Variants in PLEKHM2 observed in about 807,000 individuals in gnomAD.
PLEKHM2 encodes the protein pleckstrin homology domain-containing family M member 2.
Under a neutral mutation model 116.3 loss-of-function variants are expected in PLEKHM2, and 77 were observed. That is an observed-to-expected ratio of 0.66 (90% CI 0.55 to 0.80). The LOEUF is 0.80. Among genes scored for constraint, PLEKHM2 ranks in the 30% least tolerant of loss-of-function variants. The probability of loss-of-function intolerance (pLI) is 0.00; values close to 1 mark genes in which losing one functional copy is unlikely to be tolerated. For synonymous variants in PLEKHM2, 562 were observed against 571.0 expected (o/e 0.98, Z 0.22); for missense variants, 1,183 against 1,354.9 (o/e 0.87, Z 1.99).
Position 15,732,637 on chromosome 1 carries a change from T to A in PLEKHM2, c.2831T>A (p.Leu944His). 1 of 1,605,970 alleles carries A rather than the reference T, an allele frequency of 6.2e-7. No individual in the cohort carries two copies. ...VLEFSQDSQQ[L>H]LPPWVIYLSC... ...GAGTTCTCCCAGGACAGCCAGCAGC[T>A]CCTCCCGCCCTGGGTCATCTACCTG... The change falls in exon 19 of 20, where the codon CTC (leucine) becomes CAC (histidine). Residue 944 changes from leucine (L) to histidine (H), a missense_variant. Physicochemically the swap from Leu to His is moderately conservative, Grantham distance 99. Around this residue, in one of 3 missense-constraint regions of PLEKHM2, gnomAD observed 594 missense variants for 720.1 expected, o/e 0.82. Coordinates refer to ENST00000375799, the MANE Select transcript of PLEKHM2 (RefSeq NM_015164.4).
Position 15,727,317 on chromosome 1 carries a change from C to T in PLEKHM2, c.1245C>T (p.Asp415=). The T allele has an allele frequency of 6.2e-7, 1 of 1,601,508 alleles. No individual in the cohort carries two copies. Residue 415 remains aspartate, a synonymous_variant, in exon 9 of 20, where the codon GAC becomes GAT. Coordinates refer to ENST00000375799, the MANE Select transcript of PLEKHM2 (RefSeq NM_015164.4). This position sits in a 1 kb window ranked among gnomAD's most constrained non-coding sequence, Gnocchi z 7.5. ...RLGQPLSKVI[D]QLNGQLDPST... Reference sequence around the variant, plus strand: ...GGCAGCCCCTGAGCAAGGTTATCGACCAGCTCAACGGGCAGCTGGACCCCA... The same window carrying T: ...GGCAGCCCCTGAGCAAGGTTATCGATCAGCTCAACGGGCAGCTGGACCCCA...
intron 1 of PLEKHM2, among the ~76,000 whole-genome samples, chr1:15,709,890 G>A (rs1286904619): frequency 6.6e-6 from 1 of 152,074 alleles, no homozygotes; most frequent in Non-Finnish European, 1.5e-5. Flanking sequence ...ACTCAATATT[G>A]CAATATTATT....
At chr1:15,682,641 A>C (rs534928622), upstream of PLEKHM2, among the ~76,000 whole-genome samples, 367 of 147,576 alleles carry the variant, frequency 2.5e-3, 4 homozygotes, top group African/African-American at 9.1e-3. Context: ...AACAAAACAA[A>C]ACAAAAAAAA....
At chr1:15,693,467 G>T (rs533670339) in intron 1 of PLEKHM2, among the ~76,000 whole-genome samples, 1 of 152,304 alleles carries the variant, frequency 6.6e-6, no homozygotes, top group Non-Finnish European at 1.5e-5. Context: ...ACCTGGGCTC[G>T]CTCTCTCCAT....
Position 15,727,752 on chromosome 1 carries a change from G to A in PLEKHM2, c.1680G>A (p.Pro560=), listed in dbSNP as rs369446815. The A allele has an allele frequency of 6.6e-5, 106 of 1,604,226 alleles. No individual in the cohort carries two copies. Among genetic ancestry groups the A allele is most frequent in the Non-Finnish European group, 8.2e-5 (97 of 1,176,362 alleles). The part of the protein sequence containing the change: ...LCQLKRDQPS[P]CLSSAEDSGV... ...AGCTCAAGCGAGACCAGCCCAGCCC[G>A]TGTCTGAGTAGCGCTGAGGATTCTG... The change falls in exon 9 of 20, where the codon CCG becomes CCA. Residue 560 remains proline, a synonymous_variant. Coordinates refer to ENST00000375799, the MANE Select transcript of PLEKHM2 (RefSeq NM_015164.4). This position sits in a 1 kb window ranked among gnomAD's most constrained non-coding sequence, Gnocchi z 7.5.
At chr1:15,724,079 A>G (rs997725758) in intron 7 of PLEKHM2, among the ~76,000 whole-genome samples, 2 of 152,018 alleles carry the variant, frequency 1.3e-5, no homozygotes, top group Non-Finnish European at 2.9e-5. Context: ...CTGTTCCAGT[A>G]ACCAGGGGCA....
intron 1 of PLEKHM2, among the ~76,000 whole-genome samples, chr1:15,700,070 G>T (rs553235904): frequency 6.6e-6 from 1 of 151,960 alleles, no homozygotes; most frequent in Non-Finnish European, 1.5e-5. Context: ...GAAGCGGCAG[G>T]CACCCAGCAG....
chr1:15,702,548 T>A (rs1456452755), intron 1 of PLEKHM2, among the ~76,000 whole-genome samples: 1 of 152,072 alleles, frequency 6.6e-6, no homozygotes, highest in African/African-American at 2.4e-5. Context: ...CCCAAGTAGC[T>A]GGGATTACAG....
chr1:15,711,526 A>T (rs1035076212), intron 1 of PLEKHM2, among the ~76,000 whole-genome samples: 3 of 151,988 alleles, frequency 2.0e-5, no homozygotes, highest in Non-Finnish European at 4.4e-5. Flanking sequence ...CTGACGCAGG[A>T]GAATCACCTG....
chr1:15,731,815 A>G lies in PLEKHM2; in HGVS notation c.2466-74A>G, dbSNP rs187520664. ...GCAGACCCTGTGCCGCACACCCCGCACCAACCCTGGGGGCTGTCGCCCCGT... is the reference window on the plus strand; with the variant it reads ...GCAGACCCTGTGCCGCACACCCCGCGCCAACCCTGGGGGCTGTCGCCCCGT... On this transcript the variant is annotated intron_variant, in intron 16 of 19. Coordinates refer to ENST00000375799, the MANE Select transcript of PLEKHM2 (RefSeq NM_015164.4). 133 of 1,371,604 alleles carry G rather than the reference A, an allele frequency of 9.7e-5. 1 individual carries two copies. In the African/African-American group the frequency reaches 1.4e-3, roughly 14 times the overall value. 85.0% of individuals were successfully genotyped at this position (1,371,604 alleles called of 1,614,324 possible). A position where few individuals can be genotyped will look rare whatever the true frequency, so the allele number is the denominator to read the frequency against.
intron 7 of PLEKHM2, among the ~76,000 whole-genome samples, chr1:15,725,094 G>C (rs1240606927): frequency 6.6e-6 from 1 of 152,064 alleles, no homozygotes; most frequent in African/African-American, 2.4e-5. Context: ...AGCTCCGGAG[G>C]CCCCAGGGGT....
chr1:15,728,237 T>G lies in PLEKHM2; in HGVS notation c.1831-30T>G, dbSNP rs2068092479. 6.2e-7 allele frequency: 1 copy of G among 1,610,448 alleles called. No individual in the cohort carries two copies. Among genetic ancestry groups the G allele is most frequent in the Non-Finnish European group, 8.5e-7 (1 of 1,178,166 alleles). On this transcript the variant is annotated intron_variant, in intron 10 of 19. Transcript: ENST00000375799. The surrounding 1 kb of genome is among the most constrained non-coding windows in gnomAD (Gnocchi z 5.9). Reference sequence around the variant, plus strand: ...CCCCGCTGGAGCGGCAGGAGCCACCTGCCTGACCCTTGTCTGCTTCGGCCC... The same window carrying G: ...CCCCGCTGGAGCGGCAGGAGCCACCGGCCTGACCCTTGTCTGCTTCGGCCC...
At chr1:15,720,742 C>T (rs1443484073) in intron 6 of PLEKHM2, 1 of 152,272 alleles carries the variant, frequency 6.6e-6, no homozygotes, top group Non-Finnish European at 1.5e-5. Flanking sequence ...TTCTGCTGTA[C>T]CACGGGTTAT....
intron 1 of PLEKHM2, among the ~76,000 whole-genome samples, chr1:15,700,049 C>T (rs1641079172): frequency 1.3e-5 from 2 of 152,034 alleles, no homozygotes; most frequent in South Asian, 4.2e-4. Flanking sequence ...TTGCAGTTCC[C>T]TGGGGCTGGT....
In PLEKHM2 at chr1:15,727,122, C is replaced by A; in HGVS notation, c.1050C>A (p.Asp350Glu). 6.3e-7 allele frequency: 1 copy of A among 1,585,260 alleles called. No homozygotes were observed. The highest frequency in any genetic ancestry group is 8.6e-7 in the Non-Finnish European group (1 of 1,165,104). Residue 350 changes from aspartate to glutamate, a missense_variant, in exon 9 of 20, where the codon GAC (aspartate) becomes GAA (glutamate). Transcript: ENST00000375799. This position sits in a 1 kb window ranked among gnomAD's most constrained non-coding sequence, Gnocchi z 7.5. ...CSQKKCAKQG[D>E]GDSRNGSPSL... The stretch of plus-strand genomic sequence containing the variant: ...AGAAGAAATGTGCCAAGCAGGGGGA[C>A]GGTGACAGCCGCAACGGCAGCCCAA...
At position 15,734,030 on chromosome 1, in the gene PLEKHM2, C is replaced by T. The variant is rs2068188673; in HGVS notation, c.*96C>T. 8.1e-6 allele frequency: 11 copies of T among 1,359,854 alleles called. No homozygotes were observed. The South Asian group carries it at 8.4e-5, about 10-fold the overall frequency. 84.2% of individuals were successfully genotyped at this position (1,359,854 alleles called of 1,614,324 possible). On this transcript the variant is annotated 3_prime_UTR_variant, in exon 20 of 20. Coordinates refer to ENST00000375799, the MANE Select transcript of PLEKHM2 (RefSeq NM_015164.4). ...CTGTTGTCATGCTGTCGGGAGCCTA[C>T]AGTCCACCCCTGCCCTGGGCGGCAG...
At chr1:15,731,726 C>G (rs964860883) in intron 16 of PLEKHM2, among the ~76,000 whole-genome samples, 163 bp from the exon 17 acceptor site, 1 of 152,108 alleles carries the variant, frequency 6.6e-6, no homozygotes, top group African/African-American at 2.4e-5. Flanking sequence ...GCTCCCAGAC[C>G]TCTCCTGGGA....
At position 15,731,220 on chromosome 1, in the gene PLEKHM2, C is replaced by T. The variant is rs761692683; in HGVS notation, c.2428C>T (p.Arg810Cys). 18 of 1,598,766 alleles carry T rather than the reference C, an allele frequency of 1.1e-5. No homozygotes were observed. The highest frequency in any genetic ancestry group is 2.3e-5 in the East Asian group (1 of 44,146). The stretch of plus-strand genomic sequence containing the variant: ...CGGGATCCTCTACCAGTACCCGGAC[C>T]GCACCGACGTCATCCCTCTGCTCTC... Reference protein sequence around the residue: ...SNGILYQYPDRTDVIPLLSVN... With the variant: ...SNGILYQYPDCTDVIPLLSVN... Residue 810 changes from arginine to cysteine, a missense_variant, in exon 16 of 20, where the codon CGC becomes TGC. By Grantham distance (180) the Arg-to-Cys change is radical. Coordinates refer to ENST00000375799, the MANE Select transcript of PLEKHM2 (RefSeq NM_015164.4).
At chr1:15,711,104 G>A (rs1459406124) in intron 1 of PLEKHM2, among the ~76,000 whole-genome samples, 1 of 152,164 alleles carries the variant, frequency 6.6e-6, no homozygotes, top group African/African-American at 2.4e-5. Context: ...GCTCACCCCT[G>A]TAATCCTAGC....
Sources: gnomAD v4.1 joint callset for allele counts (sites outside exome capture counted in the v4.1 genomes callset) on GRCh38, gnomAD v4.1.1 for gene constraint, gnomAD v4.1.1 regional missense constraint, Gnocchi (gnomAD v3.1) non-coding constraint, MANE v1.5 for transcripts, NCBI Gene and HGNC (gene_info 2026-07-23, HGNC 2026-07-21) for gene names.